Variants in USP31 observed in about 807,000 individuals in gnomAD.
USP31 encodes ubiquitin carboxyl-terminal hydrolase 31.
USP31 carries 44 observed loss-of-function variants against 119.4 expected under a neutral mutation model. The ratio of observed to expected loss-of-function variants is 0.37; its 90% confidence interval spans 0.29 to 0.47. The LOEUF (loss-of-function observed/expected upper bound fraction) is 0.47. Ranked by LOEUF, USP31 falls within the 20% of genes least tolerant of loss-of-function variation. The pLI is 0.99. For missense variants in USP31, 1,643 were observed against 1,730.2 expected (o/e 0.95, Z 0.89); for synonymous variants, 749 against 705.6 (o/e 1.06, Z -0.97).
intron 1 of USP31, among the ~76,000 whole-genome samples, chr16:23,145,390 C>G (rs909435727): frequency 6.6e-6 from 1 of 152,162 alleles, no homozygotes; most frequent in Non-Finnish European, 1.5e-5. Flanking sequence ...CTTCCTAGAT[C>G]CTACTCGACT....
intron 13 of USP31, among the ~76,000 whole-genome samples, chr16:23,077,050 T>C (rs951910754): frequency 3.3e-5 from 5 of 152,238 alleles, no homozygotes; most frequent in Admixed American, 3.3e-4. Context: ...AAATATACTA[T>C]TATCATCATT....
chr16:23,068,077 G>A lies in USP31; in HGVS notation c.4028C>T (p.Thr1343Ile). 1 of 1,614,130 alleles carries A rather than the reference G, an allele frequency of 6.2e-7. No homozygotes were observed. The highest frequency in any genetic ancestry group is 8.5e-7 in the Non-Finnish European group (1 of 1,180,006). The change falls in exon 16 of 16, where the codon ACC becomes ATC. Residue 1343 changes from threonine (T) to isoleucine (I), a missense_variant. By Grantham distance (89) the Thr-to-Ile change is moderately conservative. This residue lies in a region of USP31 where 699 missense variants were observed against 650.9 expected (regional missense o/e 1.07). Coordinates refer to ENST00000219689, the MANE Select transcript of USP31 (RefSeq NM_020718.4). ...SSKKLSSSMQ[T>I]SARPSQKPQ ...AGGTTTTTGAGAAGGCCGTGCAGAG[G>A]TTTGCATGCTAGAAGATAACTTTTT...
rs1271329937 is a variant in USP31, at chr16:23,149,138, C to G, written c.133G>C (p.Gly45Arg). 3 of 1,241,296 alleles carry G rather than the reference C, an allele frequency of 2.4e-6. No homozygotes were observed. Among genetic ancestry groups the G allele is most frequent in the Admixed American group, 3.0e-5 (1 of 33,190 alleles). The allele number at this position is 1,241,296 out of a possible 1,614,324, so 76.9% of individuals were successfully genotyped here. Reference protein sequence around the residue: ...GGGAGGPGASGPAAPSSPSSP... With the variant: ...GGGAGGPGASRPAAPSSPSSP... ...GAGGGCGAGGAAGGCGCGGCCGGCC[C>G]GGACGCCCCGGGGCCCCCCGCGCCG... Residue 45 changes from glycine (G) to arginine (R), a missense_variant, in exon 1 of 16, where the codon GGG (glycine) becomes CGG (arginine). Coordinates refer to ENST00000219689, the MANE Select transcript of USP31 (RefSeq NM_020718.4).
At chr16:23,079,260 G>A (rs908038878) in intron 13 of USP31, 1 of 152,104 alleles carries the variant, frequency 6.6e-6, no homozygotes, top group Non-Finnish European at 1.5e-5. Flanking sequence ...TGTTACCAGT[G>A]GTTATCTCAG....
intron 2 of USP31, 66 bp downstream of exon 2, chr16:23,107,980 C>A: frequency 6.6e-7 from 1 of 1,523,886 alleles, no homozygotes. Flanking sequence ...TGCAACAAGT[C>A]CTCAGTAGAA....
At chr16:23,115,872 G>C (rs1902470615) in intron 1 of USP31, 1 of 875,276 alleles carries the variant, frequency 1.1e-6, no homozygotes, top group Admixed American at 6.3e-5. Flanking sequence ...GGTCAGAAAA[G>C]AGCCATAAAA....
intron 1 of USP31, among the ~76,000 whole-genome samples, chr16:23,112,803 C>T (rs1301591349): frequency 2.0e-5 from 3 of 151,394 alleles, no homozygotes; most frequent in African/African-American, 4.9e-5. Flanking sequence ...TTGAGGTGGG[C>T]GGATCACCTG....
chr16:23,135,719 C>T (rs951538916), intron 1 of USP31, among the ~76,000 whole-genome samples: 4 of 152,120 alleles, frequency 2.6e-5, no homozygotes, highest in Non-Finnish European at 5.9e-5. Flanking sequence ...ATCTTCATGG[C>T]TTAAAAGACT....
chr16:23,099,496 G>C (rs552691469), intron 6 of USP31, among the ~76,000 whole-genome samples: 1 of 152,072 alleles, frequency 6.6e-6, no homozygotes, highest in Non-Finnish European at 1.5e-5. Context: ...TATATATCAT[G>C]CTACTAAAAA....
chr16:23,089,665 G>C (rs1376515369), intron 7 of USP31, among the ~76,000 whole-genome samples: 1 of 152,122 alleles, frequency 6.6e-6, no homozygotes, highest in African/African-American at 2.4e-5. Flanking sequence ...CTTTCTCCTT[G>C]AAACATATCT....
chr16:23,110,459 G>T (rs973699073), intron 1 of USP31, among the ~76,000 whole-genome samples: 1 of 152,130 alleles, frequency 6.6e-6, no homozygotes, highest in Non-Finnish European at 1.5e-5. Flanking sequence ...GGTAGAAATA[G>T]GCCTGAAATT....
chr16:23,136,048 C>T (rs561407845), intron 1 of USP31, among the ~76,000 whole-genome samples: 1 of 152,234 alleles, frequency 6.6e-6, no homozygotes, highest in East Asian at 1.9e-4. Context: ...TAAACCCTCG[C>T]ATATATGATC....
At chr16:23,096,085 A>G (rs947590301) in intron 6 of USP31, among the ~76,000 whole-genome samples, 2 of 152,208 alleles carry the variant, frequency 1.3e-5, no homozygotes, top group African/African-American at 4.8e-5. Context: ...AGTGTGCTGT[A>G]TTCAGGAGAC....
At chr16:23,101,373 T>C (rs907466520) in intron 6 of USP31, among the ~76,000 whole-genome samples, 7 of 152,080 alleles carry the variant, frequency 4.6e-5, no homozygotes, top group African/African-American at 1.4e-4. Context: ...AAGAAAGAAA[T>C]GCTAAGGGTA....
intron 1 of USP31, among the ~76,000 whole-genome samples, chr16:23,116,291 A>C (rs184530648): frequency 1.3e-5 from 2 of 152,364 alleles, no homozygotes; most frequent in East Asian, 3.9e-4. Flanking sequence ...GATGAAATGC[A>C]AACAGCTGGG....
In USP31 at chr16:23,115,414, T is replaced by C. The variant is rs138054748; in HGVS notation, c.634-7231A>G. On this transcript the variant is annotated intron_variant, in intron 1 of 15. Transcript: ENST00000219689. Reference sequence around the variant, plus strand: ...GGCTTATGCCTGTGATCTCAGCACGTTGGGAGGCCAAGGCAGGAGGATGGC... The same window carrying C: ...GGCTTATGCCTGTGATCTCAGCACGCTGGGAGGCCAAGGCAGGAGGATGGC... Among the ~76,000 whole-genome samples, 153 of 152,272 alleles carry C rather than the reference T, an allele frequency of 1.0e-3. 1 individual carries two copies. Among genetic ancestry groups the C allele is most frequent in the African/African-American group, 3.3e-3 (137 of 41,538 alleles).
intron 1 of USP31, among the ~76,000 whole-genome samples, chr16:23,143,508 C>T (rs527799905): frequency 6.6e-6 from 1 of 151,312 alleles, no homozygotes; most frequent in East Asian, 1.9e-4. Flanking sequence ...CCAGTGAAGC[C>T]CAAGTTTTAC....
intron 1 of USP31, among the ~76,000 whole-genome samples, chr16:23,109,098 A>T (rs1000515678): frequency 6.6e-6 from 1 of 152,212 alleles, no homozygotes; most frequent in Non-Finnish European, 1.5e-5. Flanking sequence ...TGAAGTTGGT[A>T]TAAACTCCTA....
At chr16:23,108,969 G>T (rs1189595559) in intron 1 of USP31, among the ~76,000 whole-genome samples, 4 of 152,214 alleles carry the variant, frequency 2.6e-5, no homozygotes, top group African/African-American at 9.7e-5. Context: ...TAGTGAGGGG[G>T]ACAGGGAGAA....
Sources: gnomAD v4.1 joint callset for allele counts (sites outside exome capture counted in the v4.1 genomes callset) on GRCh38, gnomAD v4.1.1 for gene constraint, gnomAD v4.1.1 regional missense constraint, MANE v1.5 for transcripts, NCBI Gene and HGNC (gene_info 2026-07-23, HGNC 2026-07-21) for gene names.